CCDC191: variants seen among roughly 807,000 people sequenced by gnomAD.
CCDC191 encodes the protein coiled-coil domain containing 191, also known as coiled-coil domain-containing protein 191.
A neutral mutation model predicts 114.0 loss-of-function variants in CCDC191; 99 were observed. That is an observed-to-expected ratio of 0.87 (90% CI 0.74 to 1.03). CCDC191 has a LOEUF of 1.03. CCDC191 is among the 50% of genes least tolerant of loss of function. The pLI is 0.00. For synonymous variants in CCDC191, 351 were observed against 376.0 expected (o/e 0.93, Z 0.77); for missense variants, 973 against 1,087.0 (o/e 0.90, Z 1.47).
chr3:113,968,726 T>C (rs1577301553), intron 16 of CCDC191, among the ~76,000 whole-genome samples: 1 of 151,914 alleles, frequency 6.6e-6, no homozygotes, highest in Non-Finnish European at 1.5e-5. Context: ...TCCCAAAGTG[T>C]TGGGATTATA....
At chr3:114,019,377 A>G (rs189035546) in intron 7 of CCDC191, among the ~76,000 whole-genome samples, 2 of 152,318 alleles carry the variant, frequency 1.3e-5, no homozygotes, top group African/African-American at 4.8e-5. Context: ...CAGCTGGGCT[A>G]CTACCACTGA....
intron 10 of CCDC191, 49 bp from the exon 11 acceptor site, chr3:114,004,795 T>C: frequency 1.3e-6 from 2 of 1,575,338 alleles, no homozygotes; most frequent in South Asian, 2.3e-5. Context: ...CCAGTTTCCT[T>C]CAAACTCCTT....
intron 16 of CCDC191, 50 bp downstream of exon 16, chr3:113,978,136 G>A (rs1014993783): frequency 2.5e-6 from 4 of 1,598,464 alleles, no homozygotes; most frequent in African/African-American, 2.7e-5. Flanking sequence ...ATATATTGCT[G>A]AGCAATTGTG....
intron 13 of CCDC191, among the ~76,000 whole-genome samples, chr3:113,999,195 A>G (rs2075802351): frequency 6.6e-6 from 1 of 152,172 alleles, no homozygotes; most frequent in Non-Finnish European, 1.5e-5. Flanking sequence ...TAGTAATACC[A>G]CTAGCAAAAT....
intron 8 of CCDC191, among the ~76,000 whole-genome samples, chr3:114,012,614 CT>C (rs1028692913): frequency 5.9e-5 from 9 of 152,068 alleles, no homozygotes; most frequent in Admixed American, 3.3e-4. Flanking sequence ...CAAAAAAACC[CT>C]GTAACACTTT....
chr3:113,978,147 A>AAGTC, intron 16 of CCDC191, 39 bp downstream of exon 16: 2 of 1,608,472 alleles, frequency 1.2e-6, no homozygotes, highest in Admixed American at 1.7e-5. Context: ...AGCAATTGTG[A>AAGTC]AGTCAGAGAG....
chr3:113,966,082 C>T (rs982665247), intron 16 of CCDC191, among the ~76,000 whole-genome samples: 8 of 152,080 alleles, frequency 5.3e-5, no homozygotes, highest in Non-Finnish European at 8.8e-5. Flanking sequence ...CAACCCTCAA[C>T]GCAAAAATGA....
chr3:113,980,275 T>C (rs1288987065), intron 14 of CCDC191, among the ~76,000 whole-genome samples: 2 of 152,300 alleles, frequency 1.3e-5, no homozygotes, highest in East Asian at 3.9e-4. Context: ...AAATAAATAC[T>C]TGAGCTGTAA....
chr3:113,999,711 A>G (rs1490595492), intron 13 of CCDC191, among the ~76,000 whole-genome samples: 2 of 152,168 alleles, frequency 1.3e-5, no homozygotes, highest in Non-Finnish European at 2.9e-5. Flanking sequence ...CCAGTTGTAG[A>G]AACAAAAACT....
rs201817007 is a variant in CCDC191 at position 114,035,042 on chromosome 3, T to C, written c.701A>G (p.Glu234Gly). The change falls in exon 6 of 17, where the codon GAG (glutamate) becomes GGG (glycine). Residue 234 changes from glutamate (E) to glycine (G), a missense_variant. Transcript: ENST00000295878. ...GGCCTCCAGAGCCTTCCTTTTCTTC[T>C]CTTCTTGCACCAGACACTGAGCCTC... ...FLEAQCLVQEEKKRKALEAKK... is the reference protein window; with the variant it reads ...FLEAQCLVQEGKKRKALEAKK... 6 of 1,614,114 alleles carry C rather than the reference T, an allele frequency of 3.7e-6. No homozygotes were observed. Among genetic ancestry groups the C allele is most frequent in the African/African-American group, 1.3e-5 (1 of 75,034 alleles).
At position 114,042,740 on chromosome 3, in the gene CCDC191, C is replaced by T. The variant is rs369705876; in HGVS notation, c.378G>A (p.Pro126=). 1.8e-5 allele frequency: 28 copies of T among 1,588,824 alleles called. No individual in the cohort carries two copies. Among genetic ancestry groups the T allele is most frequent in the Middle Eastern group, 1.7e-4 (1 of 6,038 alleles). ...CATATTTCAAATGGCCATTGGCTTC[C>T]GGCATAATAGTGACACTTGACACAG... ...KNTVSSVTIM[P]EANGHLKYDK... Residue 126 remains proline (P), a synonymous_variant, in exon 4 of 17, where the codon CCG becomes CCA. Transcript: ENST00000295878.
chr3:113,988,561 G>A (rs1159815256), intron 13 of CCDC191, among the ~76,000 whole-genome samples: 1 of 148,626 alleles, frequency 6.7e-6, no homozygotes, highest in East Asian at 2.0e-4. Context: ...AGGAGGCAGA[G>A]GTTGTGGTGA....
intron 5 of CCDC191, among the ~76,000 whole-genome samples, 176 bp from the exon 6 acceptor site, chr3:114,035,324 T>C (rs1032085482): frequency 6.6e-6 from 1 of 152,182 alleles, no homozygotes; most frequent in African/African-American, 2.4e-5. Context: ...TAAAGATGAA[T>C]ATAACATTTT....
chr3:113,967,824 C>T (rs1940368633), intron 16 of CCDC191, among the ~76,000 whole-genome samples: 1 of 152,162 alleles, frequency 6.6e-6, no homozygotes, highest in East Asian at 1.9e-4. Flanking sequence ...TGGTAACCAC[C>T]AATGTATTCT....
chr3:113,970,197 T>C (rs1019750331), intron 16 of CCDC191, among the ~76,000 whole-genome samples: 1 of 152,162 alleles, frequency 6.6e-6, no homozygotes, highest in African/African-American at 2.4e-5. Context: ...GAATGTTGAT[T>C]TTGTATGCTG....
At chr3:113,978,419 G>A in intron 15 of CCDC191, 88 bp from the exon 16 acceptor site, 1 of 1,286,508 alleles carries the variant, frequency 7.8e-7, no homozygotes. Context: ...AGACAGAAAT[G>A]AAACAAAAGA....
chr3:113,965,112 A>G lies in CCDC191; in HGVS notation c.*43T>C. On this transcript the variant is annotated 3_prime_UTR_variant, in exon 17 of 17. Coordinates refer to ENST00000295878, the MANE Select transcript of CCDC191 (RefSeq NM_020817.2). ...GGGTGGGTGGAGATAACACACATAC[A>G]GACTAGTCGAGCTTCCTGTCCTAAA... 1 of 1,290,380 alleles carries G rather than the reference A, an allele frequency of 7.7e-7. No homozygotes were observed. The highest frequency in any genetic ancestry group is 1.1e-6 in the Non-Finnish European group (1 of 926,566). 79.9% of individuals were successfully genotyped at this position (1,290,380 alleles called of 1,614,324 possible).
At chr3:114,045,438 C>A (rs1274932899) in intron 3 of CCDC191, among the ~76,000 whole-genome samples, 1 of 152,126 alleles carries the variant, frequency 6.6e-6, no homozygotes, top group East Asian at 1.9e-4. Flanking sequence ...GTGGCAAGAT[C>A]TTGGCTCACT....
chr3:113,988,243 C>A (rs900647159), intron 13 of CCDC191, among the ~76,000 whole-genome samples: 1 of 151,928 alleles, frequency 6.6e-6, no homozygotes, highest in African/African-American at 2.4e-5. Context: ...CGCCTGTAAT[C>A]CCAGCACTTT....
Sources: allele counts gnomAD v4.1 joint callset (sites outside exome capture counted in the v4.1 genomes callset), GRCh38; gene constraint gnomAD v4.1.1; transcripts MANE v1.5; gene names NCBI Gene and HGNC (gene_info 2026-07-23, HGNC 2026-07-21).